The following CGN variants were observed in gnomAD, a reference collection of about 807,000 sequenced individuals.
CGN encodes the protein cingulin.
A neutral mutation model predicts 157.1 loss-of-function variants in CGN; 121 were observed. The ratio of observed to expected loss-of-function variants is 0.77; its 90% CI spans 0.66 to 0.90. CGN has a LOEUF of 0.90. Ranked by LOEUF, CGN falls within the 40% of genes least tolerant of loss-of-function variation. The probability of loss-of-function intolerance (pLI) is 0.00; values close to 1 mark genes in which losing one functional copy is unlikely to be tolerated. For synonymous variants in CGN, 535 were observed against 607.5 expected (o/e 0.88, Z 1.76); for missense variants, 1,424 against 1,520.9 (o/e 0.94, Z 1.06).
At chr1:151,512,989 G>A (rs1000092828) in intron 1 of CGN, among the ~76,000 whole-genome samples, 1 of 152,164 alleles carries the variant, frequency 6.6e-6, no homozygotes, top group Admixed American at 6.5e-5. Flanking sequence ...AGCAAGTGTG[G>A]GATCAGGAAT....
rs971859132 is a variant in CGN, at chr1:151,537,448, A to G, written c.*102A>G. 7 of 1,042,676 alleles carry G rather than the reference A, an allele frequency of 6.7e-6. No homozygotes were observed. The highest frequency in any genetic ancestry group is 1.6e-5 in the African/African-American group (1 of 62,588). 64.6% of individuals were successfully genotyped at this position (1,042,676 alleles called of 1,614,324 possible). The stretch of plus-strand genomic sequence containing the variant: ...GTTCTGCATTCCTATGGGTGACCCA[A>G]TTATTCAGACCTAAGACAGGGAGGG... On this transcript the variant is annotated 3_prime_UTR_variant, in exon 21 of 21. Coordinates refer to ENST00000271636, the MANE Select transcript of CGN (RefSeq NM_020770.3).
At position 151,518,841 on chromosome 1, in the gene CGN, G is replaced by A. The variant is rs1490495804; in HGVS notation, c.322G>A (p.Val108Ile). 2.5e-6 allele frequency: 4 copies of A among 1,613,908 alleles called. No individual in the cohort carries two copies. Among genetic ancestry groups the A allele is most frequent in the African/African-American group, 2.7e-5 (2 of 74,914 alleles). ...LELPENPYSQ[V>I]KGFPAPSQSS... ...ACTCCCTGAGAACCCCTACTCTCAG[G>A]TCAAGGGATTTCCTGCCCCCTCGCA... is the stretch of plus-strand genomic sequence containing the variant. Residue 108 changes from valine to isoleucine, a missense_variant, in exon 2 of 21, where the codon GTC becomes ATC. Val to Ile is a conservative substitution (Grantham distance 29). This residue lies in a region of CGN where 1,187 missense variants were observed against 1,217.6 expected (regional missense o/e 0.97). Coordinates refer to ENST00000271636, the MANE Select transcript of CGN (RefSeq NM_020770.3).
At chr1:151,523,703 GA>G in intron 6 of CGN, 142 bp downstream of exon 6, 1 of 773,374 alleles carries the variant, frequency 1.3e-6, no homozygotes, top group East Asian at 2.8e-5. Context: ...TTAAGGACAG[GA>G]TAGGGCCTTT....
chr1:151,535,555 T>C, intron 16 of CGN, 45 bp from the exon 17 acceptor site: 1 of 1,482,378 alleles, frequency 6.7e-7, no homozygotes, highest in Non-Finnish European at 9.4e-7. Context: ...TGCTGGTTCA[T>C]CCTTAGCCCT....
Position 151,523,013 on chromosome 1 carries a change from C to G in CGN, c.1141-421C>G, listed in dbSNP as rs773240106. Among the ~76,000 whole-genome samples, 27 of 152,098 alleles carry G rather than the reference C, an allele frequency of 1.8e-4. 1 individual carries two copies. Among genetic ancestry groups the G allele is most frequent in the Non-Finnish European group, 7.4e-5 (5 of 68,014 alleles). On this transcript the variant is annotated intron_variant, in intron 5 of 20. Coordinates refer to ENST00000271636, the MANE Select transcript of CGN (RefSeq NM_020770.3). Reference sequence around the variant, plus strand: ...AAACCTCAGTTCCTGGCTGTTTGGCCTTCCTCACAGAGCTACTTTTGAGTA... The same window carrying G: ...AAACCTCAGTTCCTGGCTGTTTGGCGTTCCTCACAGAGCTACTTTTGAGTA...
Position 151,530,639 on chromosome 1 carries a change from G to A in CGN, c.2464G>A (p.Ala822Thr), listed in dbSNP as rs1335984124. ...LGQEQQTLNR[A>T]LEEEGKQREV... The stretch of plus-strand genomic sequence containing the variant: ...GCAGGAGCAGCAGACACTGAACCGG[G>A]CCCTGGAGGAGGAAGGGAAGCAGCG... The change falls in exon 13 of 21, where the codon GCC becomes ACC. Residue 822 changes from alanine (A) to threonine (T), a missense_variant. Transcript: ENST00000271636. 1.6e-5 allele frequency: 26 copies of A among 1,600,110 alleles called. No homozygotes were observed. The highest frequency in any genetic ancestry group is 2.2e-5 in the Non-Finnish European group (26 of 1,172,904).
At position 151,536,364 on chromosome 1, in the gene CGN, G is replaced by A; in HGVS notation, c.3306+19G>A. The A allele has an allele frequency of 7.1e-7, 1 of 1,405,490 alleles. No homozygotes were observed. The allele number at this position is 1,405,490 out of a possible 1,614,324, so 87.1% of individuals were successfully genotyped here. A position where few individuals can be genotyped will look rare whatever the true frequency, so the allele number is the denominator to read the frequency against. ...AGACCAGGTGAGGACATGGCACCCT[G>A]GAGCCAAGCAACCTGGGGCAGGTAT... On this transcript the variant is annotated intron_variant, in intron 19 of 20. Coordinates refer to ENST00000271636, the MANE Select transcript of CGN (RefSeq NM_020770.3).
Position 151,530,668 on chromosome 1 carries a change from G to T in CGN, c.2493G>T (p.Glu831Asp). 1 of 1,572,670 alleles carries T rather than the reference G, an allele frequency of 6.4e-7. No homozygotes were observed. Among genetic ancestry groups the T allele is most frequent in the Non-Finnish European group, 8.6e-7 (1 of 1,158,372 alleles). The change falls in exon 13 of 21, where the codon GAG becomes GAT. Residue 831 changes from glutamate to aspartate, a missense_variant. This residue lies in a region of CGN where 1,187 missense variants were observed against 1,217.6 expected (regional missense o/e 0.97). Coordinates refer to ENST00000271636, the MANE Select transcript of CGN (RefSeq NM_020770.3). The part of the protein sequence containing the change: ...RALEEEGKQR[E>D]VLRRGKAELE... ...TGGAGGAGGAAGGGAAGCAGCGGGAGGTGCTCCGGCGAGGCAAGGCTGAGC... is the reference window on the plus strand; with the variant it reads ...TGGAGGAGGAAGGGAAGCAGCGGGATGTGCTCCGGCGAGGCAAGGCTGAGC...
In CGN at chr1:151,537,649, G is replaced by A. The variant is rs1664999659; in HGVS notation, c.*303G>A. 1 of 270,612 alleles carries A rather than the reference G, an allele frequency of 3.7e-6. No individual in the cohort carries two copies. Among genetic ancestry groups the A allele is most frequent in the Non-Finnish European group, 7.0e-6 (1 of 142,526 alleles). The allele number at this position is 270,612 out of a possible 1,614,324, so 16.8% of individuals were successfully genotyped here. ...CATTAGGCTGATGGGGACTGAGAAG[G>A]ATAGGAAGGGATAGAAATTGCCATG... On this transcript the variant is annotated 3_prime_UTR_variant, in exon 21 of 21. Transcript: ENST00000271636.
In CGN at chr1:151,525,674, G is replaced by A. The variant is rs760873680; in HGVS notation, c.1647G>A (p.Lys549=). 2.5e-6 allele frequency: 4 copies of A among 1,609,310 alleles called. No homozygotes were observed. The highest frequency in any genetic ancestry group is 1.1e-5 in the South Asian group (1 of 90,790). ...DHAVLEAERQ[K]MSALVRGLQR... ...CAGTGCTGGAGGCCGAGAGGCAGAA[G>A]ATGTCAGCCCTTGTGCGAGGGCTGC... The change falls in exon 9 of 21, where the codon AAG becomes AAA. Residue 549 remains lysine (K), a synonymous_variant. Transcript: ENST00000271636.
At chr1:151,519,638 T>C (rs1664494562) in intron 2 of CGN, among the ~76,000 whole-genome samples, 1 of 152,214 alleles carries the variant, frequency 6.6e-6, no homozygotes, top group Non-Finnish European at 1.5e-5. Flanking sequence ...TTGGACCTAG[T>C]TGTCATTGCC....
rs1665031281 is a variant in CGN at position 151,538,554 on chromosome 1, G to C, written c.*1208G>C. The stretch of plus-strand genomic sequence containing the variant: ...ATAGGGAGCCGGTGGCAGGAGGAAG[G>C]CTGTTTTCACAAATGACTTGTAATG... On this transcript the variant is annotated 3_prime_UTR_variant, in exon 21 of 21. Coordinates refer to ENST00000271636, the MANE Select transcript of CGN (RefSeq NM_020770.3). 1 of 152,156 alleles carries C rather than the reference G, an allele frequency of 6.6e-6. No individual in the cohort carries two copies. The highest frequency in any genetic ancestry group is 1.5e-5 in the Non-Finnish European group (1 of 68,032). 9.4% of individuals were successfully genotyped at this position (152,156 alleles called of 1,614,324 possible).
chr1:151,528,000 G>C (rs1295424533), intron 10 of CGN: 2 of 153,608 alleles, frequency 1.3e-5, no homozygotes, highest in Non-Finnish European at 2.4e-5. Flanking sequence ...CTGTCACCCA[G>C]GGTGGAATGC....
chr1:151,530,888 T>C (rs1438880857), intron 13 of CGN, 142 bp downstream of exon 13: 6 of 879,948 alleles, frequency 6.8e-6, no homozygotes, highest in East Asian at 5.5e-5. Context: ...CTCCTGTAAT[T>C]CCAGCACTTT....
chr1:151,512,721 T>C (rs1332076221), intron 1 of CGN, among the ~76,000 whole-genome samples: 1 of 152,236 alleles, frequency 6.6e-6, no homozygotes, highest in Non-Finnish European at 1.5e-5. Context: ...TAGCAACCGC[T>C]ATGTTTGTAG....
chr1:151,524,337 T>C lies in CGN; in HGVS notation c.1380T>C (p.Pro460=). ...TGAAACATGTCCAGGGTCCTGAGCCTGCTAAGGAGGTGTTACTGAAGGTAG... is the reference window on the plus strand; with the variant it reads ...TGAAACATGTCCAGGGTCCTGAGCCCGCTAAGGAGGTGTTACTGAAGGTAG... ...NKLKHVQGPE[P]AKEVLLKDLL... Residue 460 remains proline (P), a synonymous_variant, in exon 7 of 21, where the codon CCT becomes CCC. Coordinates refer to ENST00000271636, the MANE Select transcript of CGN (RefSeq NM_020770.3). This position sits in a 1 kb window ranked among gnomAD's most constrained non-coding sequence, Gnocchi z 4.4. 6.2e-7 allele frequency: 1 copy of C among 1,613,874 alleles called. No homozygotes were observed. The highest frequency in any genetic ancestry group is 1.3e-5 in the African/African-American group (1 of 75,024).
Position 151,537,312 on chromosome 1 carries a change from T to A in CGN, c.3578T>A (p.Leu1193His). The A allele has an allele frequency of 6.2e-7, 1 of 1,614,108 alleles. No individual in the cohort carries two copies. The change falls in exon 21 of 21, where the codon CTT becomes CAT. Residue 1193 changes from leucine to histidine, a missense_variant. Around this residue, in one of 3 missense-constraint regions of CGN, gnomAD observed 38 missense variants for 31.1 expected, o/e 1.22. Coordinates refer to ENST00000271636, the MANE Select transcript of CGN (RefSeq NM_020770.3). Reference protein sequence around the residue: ...VYDPSSIASLLTESNLQTSSC With the variant: ...VYDPSSIASLHTESNLQTSSC Reference sequence around the variant, plus strand: ...GATCCCTCGTCCATTGCATCACTGCTTACGGAGAGCAACCTACAGACCAGC... The same window carrying A: ...GATCCCTCGTCCATTGCATCACTGCATACGGAGAGCAACCTACAGACCAGC...
intron 8 of CGN, among the ~76,000 whole-genome samples, chr1:151,525,313 C>T (rs1357476429): frequency 2.0e-5 from 3 of 152,028 alleles, no homozygotes; most frequent in South Asian, 4.1e-4. Flanking sequence ...GCAGGAGAAT[C>T]GCTTGAACCA....
Position 151,523,417 on chromosome 1 carries a change from C to G in CGN, c.1141-17C>G, listed in dbSNP as rs1664587108. On this transcript the variant is annotated splice_polypyrimidine_tract_variant and intron_variant, in intron 5 of 20. Coordinates refer to ENST00000271636, the MANE Select transcript of CGN (RefSeq NM_020770.3). ...TTCCCTACCCTCTACCTGCTGTACT[C>G]TCATTCCCTTTTACAGAAGCGGCAG... 1 of 1,600,386 alleles carries G rather than the reference C, an allele frequency of 6.2e-7. No homozygotes were observed. Among genetic ancestry groups the G allele is most frequent in the Non-Finnish European group, 8.5e-7 (1 of 1,174,460 alleles).
Sources: gnomAD v4.1 joint callset for allele counts (sites outside exome capture counted in the v4.1 genomes callset) on GRCh38, gnomAD v4.1.1 for gene constraint, gnomAD v4.1.1 regional missense constraint, Gnocchi (gnomAD v3.1) non-coding constraint, MANE v1.5 for transcripts, NCBI Gene and HGNC (gene_info 2026-07-23, HGNC 2026-07-21) for gene names.